The following SFI1 variants were observed in gnomAD, a reference collection of about 807,000 sequenced individuals.
SFI1 encodes SFI1 centrin binding protein, also known as protein SFI1 homolog.
A neutral mutation model predicts 207.5 loss-of-function variants in SFI1; 195 were observed. The observed-to-expected ratio is 0.94, with a 90% CI of 0.84 to 1.06. The LOEUF (loss-of-function observed/expected upper bound fraction) is 1.06. SFI1 is among the 50% of genes least tolerant of loss of function. The pLI, the probability that SFI1 is intolerant of heterozygous loss-of-function variation, is 0.00. For missense variants in SFI1, 1,634 were observed against 1,588.0 expected (o/e 1.03, Z -0.49); for synonymous variants, 630 against 598.9 (o/e 1.05, Z -0.76).
chr22:31,577,363 A>T (rs1256720598), intron 10 of SFI1, among the ~76,000 whole-genome samples: 1 of 152,144 alleles, frequency 6.6e-6, no homozygotes, highest in Non-Finnish European at 1.5e-5. Context: ...GGAGGTAGGG[A>T]TGGTGGGAAG....
Position 31,613,500 on chromosome 22 carries a change from G to T in SFI1, c.2712G>T (p.Arg904=). The T allele has an allele frequency of 6.3e-7, 1 of 1,592,372 alleles. No homozygotes were observed. ...LRFAASMKAS[R]QQLQAQQQVQ... ...TTGCAGCCAGCATGAAGGCCTCCCGGCAGCAGCTGCAGGCCCAGCAGCAGG... is the reference window on the plus strand; with the variant it reads ...TTGCAGCCAGCATGAAGGCCTCCCGTCAGCAGCTGCAGGCCCAGCAGCAGG... Residue 904 remains arginine, a synonymous_variant, in exon 26 of 33, where the codon CGG becomes CGT. Coordinates refer to ENST00000400288, the MANE Select transcript of SFI1 (RefSeq NM_001007467.3).
At chr22:31,551,604 T>C (rs1167414567) in intron 6 of SFI1, among the ~76,000 whole-genome samples, 1 of 152,238 alleles carries the variant, frequency 6.6e-6, no homozygotes. Flanking sequence ...TAAATTTTTG[T>C]ATTTTTGGTA....
chr22:31,593,921 C>CCT (rs769854837), intron 15 of SFI1, among the ~76,000 whole-genome samples: 4,625 of 138,916 alleles, frequency 0.033, 64 homozygotes, highest in Non-Finnish European at 0.037. Context: ...TTGCAGTGAG[C>CCT]CGAGATGGCA....
At chr22:31,504,494 C>T (rs1194712816) in intron 1 of SFI1, among the ~76,000 whole-genome samples, 3 of 152,156 alleles carry the variant, frequency 2.0e-5, no homozygotes, top group African/African-American at 4.8e-5. Context: ...CACCGTTACT[C>T]AACACAGGAT....
At position 31,589,465 on chromosome 22, in the gene SFI1, G is replaced by A. The variant is rs756378921; in HGVS notation, c.1432G>A (p.Asp478Asn). 9 of 1,612,762 alleles carry A rather than the reference G, an allele frequency of 5.6e-6. No homozygotes were observed. The South Asian group carries it at 6.6e-5, about 12-fold the overall frequency. The stretch of plus-strand genomic sequence containing the variant: ...ACTTTAGCTGCTACAGGCCAGAGCG[G>A]ATGGTCATTTCCAGCAGAGAGCCCT... ...RYKQLLQARA[D>N]GHFQQRALPA... The change falls in exon 15 of 33, where the codon GAT becomes AAT. Residue 478 changes from aspartate (D) to asparagine (N), a missense_variant. Asp to Asn is a conservative substitution (Grantham distance 23, BLOSUM62 1). Coordinates refer to ENST00000400288, the MANE Select transcript of SFI1 (RefSeq NM_001007467.3).
rs926586615 is a variant in SFI1 at position 31,611,123 on chromosome 22, C to T, written c.2255-20C>T. On this transcript the variant is annotated intron_variant, in intron 22 of 32. Coordinates refer to ENST00000400288, the MANE Select transcript of SFI1 (RefSeq NM_001007467.3). ...TGGAAATCCCACAAAACAGCAAACT[C>T]TGACTTGGATCTGCCTTAGGCTGTC... 1.4e-5 allele frequency: 22 copies of T among 1,614,054 alleles called. No individual in the cohort carries two copies. Among genetic ancestry groups the T allele is most frequent in the Non-Finnish European group, 1.8e-5 (21 of 1,180,022 alleles).
chr22:31,558,766 C>A (rs954274433), intron 7 of SFI1, among the ~76,000 whole-genome samples: 1 of 152,014 alleles, frequency 6.6e-6, no homozygotes, highest in Non-Finnish European at 1.5e-5. Context: ...CATGAGCCAC[C>A]GCGCCTGGCC....
intron 5 of SFI1, 86 bp from the exon 6 acceptor site, chr22:31,550,168 C>A: frequency 1.0e-6 from 1 of 982,394 alleles, no homozygotes. Flanking sequence ...GCCTTGGCCT[C>A]CCAAAGTGCT....
intron 12 of SFI1, among the ~76,000 whole-genome samples, chr22:31,581,107 A>C (rs549174641): frequency 6.6e-6 from 1 of 152,000 alleles, no homozygotes; most frequent in African/African-American, 2.4e-5. Flanking sequence ...CAGCCTCCCA[A>C]GTAGTTGGGA....
In SFI1 at chr22:31,618,354, C is replaced by A; in HGVS notation, c.3665C>A (p.Ala1222Asp). ...CAGCTGCTGGCAGAGGAGCTCCAGG[C>A]TCAGCGCCAGCCCATTGGCGCCTGC... ...QIQLLAEELQ[A>D]QRQPIGACVA... Residue 1222 changes from alanine to aspartate, a missense_variant, in exon 33 of 33, where the codon GCT becomes GAT. Ala to Asp is a moderately radical substitution (Grantham distance 126). Coordinates refer to ENST00000400288, the MANE Select transcript of SFI1 (RefSeq NM_001007467.3). 1 of 1,609,298 alleles carries A rather than the reference C, an allele frequency of 6.2e-7. No homozygotes were observed. Among genetic ancestry groups the A allele is most frequent in the South Asian group, 1.1e-5 (1 of 90,876 alleles).
At chr22:31,562,978 A>G (rs1010731613) in intron 8 of SFI1, among the ~76,000 whole-genome samples, 1 of 120,232 alleles carries the variant, frequency 8.3e-6, no homozygotes, top group African/African-American at 3.5e-5. Context: ...CTGCATCATC[A>G]TCTTTTATAT....
intron 7 of SFI1, among the ~76,000 whole-genome samples, chr22:31,558,263 A>C (rs1354352298): frequency 2.0e-5 from 3 of 152,202 alleles, no homozygotes; most frequent in African/African-American, 7.2e-5. Flanking sequence ...GCAGTAGTTC[A>C]AACCTGTAAT....
At chr22:31,618,253 TC>T in intron 32 of SFI1, 27 bp downstream of exon 32, 1 of 1,597,904 alleles carries the variant, frequency 6.3e-7, no homozygotes, top group Non-Finnish European at 8.5e-7. Flanking sequence ...TCCCCAGGTG[TC>T]CCTGGGGACG....
intron 5 of SFI1, among the ~76,000 whole-genome samples, chr22:31,548,186 C>T (rs1327313579): frequency 6.6e-6 from 1 of 151,550 alleles, no homozygotes; most frequent in Non-Finnish European, 1.5e-5. Flanking sequence ...CGCCACTGCA[C>T]TCCAGCCTGG....
At chr22:31,598,139 G>A (rs1209603235) in intron 15 of SFI1, among the ~76,000 whole-genome samples, 6 of 150,906 alleles carry the variant, frequency 4.0e-5, no homozygotes, top group African/African-American at 9.7e-5. Flanking sequence ...CACCACACCC[G>A]GCTAATTTTT....
At chr22:31,526,021 T>A (rs2057872453) in intron 2 of SFI1, among the ~76,000 whole-genome samples, 1 of 152,200 alleles carries the variant, frequency 6.6e-6, no homozygotes, top group Admixed American at 6.6e-5. Context: ...ATAGGGCCTG[T>A]GTGCATTTTA....
intron 15 of SFI1, among the ~76,000 whole-genome samples, chr22:31,593,942 C>G (rs1034723960): frequency 3.7e-5 from 5 of 133,836 alleles, no homozygotes; most frequent in African/African-American, 1.4e-4. Context: ...GCAGTACAGT[C>G]CAGCTTCGGC....
chr22:31,523,768 A>G (rs1008411201), intron 2 of SFI1, among the ~76,000 whole-genome samples: 2 of 152,188 alleles, frequency 1.3e-5, no homozygotes, highest in African/African-American at 4.8e-5. Context: ...GAAAAAATCA[A>G]GTGATTTGCC....
At chr22:31,518,031 C>T (rs901329374) in intron 2 of SFI1, among the ~76,000 whole-genome samples, 26 of 152,134 alleles carry the variant, frequency 1.7e-4, no homozygotes, top group Admixed American at 1.6e-3. Context: ...CTTCCTCTGT[C>T]GCCCAGCAGG....
Sources: gnomAD v4.1 joint callset for allele counts (sites outside exome capture counted in the v4.1 genomes callset) on GRCh38, gnomAD v4.1.1 for gene constraint, MANE v1.5 for transcripts, NCBI Gene and HGNC (gene_info 2026-07-23, HGNC 2026-07-21) for gene names.